Variants in C14orf132 observed in about 807,000 individuals in gnomAD.
C14orf132 encodes the protein uncharacterized protein C14orf132.
A neutral mutation model predicts 5.8 loss-of-function variants in C14orf132; 6 were observed. The observed-to-expected ratio is 1.03, with a 90% confidence interval of 0.57 to 2.04. C14orf132 has a LOEUF of 2.04. Ranked by LOEUF, C14orf132 falls within the 30% of genes most tolerant of loss-of-function variation. The probability of loss-of-function intolerance (pLI) is 0.00; values close to 1 mark genes in which losing one functional copy is unlikely to be tolerated. For synonymous variants in C14orf132, 51 were observed against 49.8 expected (o/e 1.02, Z -0.10); for missense variants, 125 against 115.8 (o/e 1.08, Z -0.37).
chr14:96,067,768 G>T (rs1887576453), intron 1 of C14orf132, among the ~76,000 whole-genome samples: 1 of 151,932 alleles, frequency 6.6e-6, no homozygotes, highest in Non-Finnish European at 1.5e-5. Context: ...CACACTTGGA[G>T]TGCTGTAGGC....
rs1314040954 is a variant in C14orf132, at chr14:96,039,561, G to A, written c.27+34G>A. On this transcript the variant is annotated intron_variant, in intron 1 of 1. Transcript: ENST00000555004. This position sits in a 1 kb window ranked among gnomAD's most constrained non-coding sequence, Gnocchi z 5.3. ...GCGTCCCCCCCACGCGCCCCGGGCC[G>A]CCAAGTTTGGGGAGGTTCGGGGCCA... 2 of 1,493,506 alleles carry A rather than the reference G, an allele frequency of 1.3e-6. No individual in the cohort carries two copies. The highest frequency in any genetic ancestry group is 8.9e-7 in the Non-Finnish European group (1 of 1,123,712). The allele number at this position is 1,493,506 out of a possible 1,614,324, so 92.5% of individuals were successfully genotyped here. A position where few individuals can be genotyped will look rare whatever the true frequency, so the allele number is the denominator to read the frequency against.
At chr14:96,072,337 C>T (rs952501389) in intron 1 of C14orf132, among the ~76,000 whole-genome samples, 1 of 152,168 alleles carries the variant, frequency 6.6e-6, no homozygotes, top group African/African-American at 2.4e-5. Flanking sequence ...GGGGTCCAGC[C>T]TGACCCTGGG....
rs1201043154 is a variant in C14orf132, at chr14:96,091,741, C to T, written c.*5006C>T. ...TGCCCCAGCCCCACCCACCCTGGCC[C>T]ACTCCACAGGCCCCTGACCATGGTC... is the stretch of plus-strand genomic sequence containing the variant. On this transcript the variant is annotated 3_prime_UTR_variant, in exon 2 of 2. Transcript: ENST00000555004. 6.6e-6 allele frequency: 1 copy of T among 152,048 alleles called. No homozygotes were observed. Among genetic ancestry groups the T allele is most frequent in the Non-Finnish European group, 1.5e-5 (1 of 68,124 alleles). The allele number at this position is 152,048 out of a possible 1,614,324, so 9.4% of individuals were successfully genotyped here. A position where few individuals can be genotyped will look rare whatever the true frequency, so the allele number is the denominator to read the frequency against.
chr14:96,079,007 C>T (rs757214604), intron 1 of C14orf132, among the ~76,000 whole-genome samples: 14 of 152,226 alleles, frequency 9.2e-5, no homozygotes, highest in Non-Finnish European at 2.1e-4. Flanking sequence ...TCCTTTCTTA[C>T]GTTCCCAGTG....
At chr14:96,077,417 A>C (rs1887902586) in intron 1 of C14orf132, among the ~76,000 whole-genome samples, 1 of 152,160 alleles carries the variant, frequency 6.6e-6, no homozygotes, top group Non-Finnish European at 1.5e-5. Context: ...GGGGTGATTA[A>C]GTTAAAATGA....
rs749942173 is a variant in C14orf132, at chr14:96,088,839, G to T, written c.*2104G>T. 1.3e-5 allele frequency: 2 copies of T among 152,302 alleles called. No homozygotes were observed. The highest frequency in any genetic ancestry group is 2.9e-5 in the Non-Finnish European group (2 of 68,096). 9.4% of individuals were successfully genotyped at this position (152,302 alleles called of 1,614,324 possible). A position where few individuals can be genotyped will look rare whatever the true frequency, so the allele number is the denominator to read the frequency against. On this transcript the variant is annotated 3_prime_UTR_variant, in exon 2 of 2. Coordinates refer to ENST00000555004, the MANE Select transcript of C14orf132 (RefSeq NM_001252507.3). ...GGGAGGAGAAGGCAGGAGGAAAAAG[G>T]ATGGCTTCTAGCCCTGAAGAGGACT...
At position 96,058,182 on chromosome 14, in the gene C14orf132, C is replaced by T. The variant is rs545731057; in HGVS notation, c.27+18655C>T. 1.2e-4 allele frequency among the ~76,000 whole-genome samples: 18 copies of T among 152,258 alleles called. No homozygotes were observed. The South Asian group carries it at 3.1e-3, about 26-fold the overall frequency. On this transcript the variant is annotated intron_variant, in intron 1 of 1. Coordinates refer to ENST00000555004, the MANE Select transcript of C14orf132 (RefSeq NM_001252507.3). ...TCAGCTCAGGGTCTCCACTCTCCTC[C>T]CTGCCCGCACTTCGTGAGGCACATC...
intron 1 of C14orf132, among the ~76,000 whole-genome samples, chr14:96,045,983 T>C (rs1322138685): frequency 1.3e-5 from 2 of 152,208 alleles, no homozygotes; most frequent in Non-Finnish European, 2.9e-5. Flanking sequence ...ACTCTCCTCT[T>C]GGGATTTCAT....
At chr14:96,086,126 A>G (rs180717455) in intron 1 of C14orf132, among the ~76,000 whole-genome samples, 2 of 152,188 alleles carry the variant, frequency 1.3e-5, no homozygotes, top group East Asian at 3.9e-4. Context: ...GTTCTATGCT[A>G]AGCATATATT....
At position 96,093,663 on chromosome 14, in the gene C14orf132, A is replaced by G. The variant is rs1046879433; in HGVS notation, c.*6928A>G. The G allele has an allele frequency of 6.6e-6, 1 of 152,174 alleles. No homozygotes were observed. Among genetic ancestry groups the G allele is most frequent in the East Asian group, 1.9e-4 (1 of 5,190 alleles). 9.4% of individuals were successfully genotyped at this position (152,174 alleles called of 1,614,324 possible). ...TGACTTCATAAAAGGTATTTTAACTATTCTTGGAGTCCTTTGCTACCCAAG... is the reference window on the plus strand; with the variant it reads ...TGACTTCATAAAAGGTATTTTAACTGTTCTTGGAGTCCTTTGCTACCCAAG... On this transcript the variant is annotated 3_prime_UTR_variant, in exon 2 of 2. Transcript: ENST00000555004.
intron 1 of C14orf132, among the ~76,000 whole-genome samples, chr14:96,085,783 C>T (rs1888162534): frequency 6.6e-6 from 1 of 152,104 alleles, no homozygotes; most frequent in Non-Finnish European, 1.5e-5. Flanking sequence ...ATCAGTGCAT[C>T]ATTTATCATA....
rs995241322 is a variant in C14orf132 at position 96,087,005 on chromosome 14, A to G, written c.*270A>G. 1 of 516,726 alleles carries G rather than the reference A, an allele frequency of 1.9e-6. No individual in the cohort carries two copies. The highest frequency in any genetic ancestry group is 3.5e-6 in the Non-Finnish European group (1 of 289,196). The allele number at this position is 516,726 out of a possible 1,614,324, so 32.0% of individuals were successfully genotyped here. The stretch of plus-strand genomic sequence containing the variant: ...GCAGATTGGGGATCCTTGAAACTAC[A>G]TTCCAGGAACATGGGACCAGATGAG... On this transcript the variant is annotated 3_prime_UTR_variant, in exon 2 of 2. Coordinates refer to ENST00000555004, the MANE Select transcript of C14orf132 (RefSeq NM_001252507.3).
rs537482447 is a variant in C14orf132 at position 96,062,950 on chromosome 14, A to C, written c.27+23423A>C. Among the ~76,000 whole-genome samples the C allele has an allele frequency of 8.5e-5, 13 of 152,316 alleles. No homozygotes were observed. The South Asian group carries it at 2.1e-3, about 24-fold the overall frequency. ...ACTGAGCATTTATTGAGTGCCTGCT[A>C]TGTGCAAAACACTGAGGATCAAAGA... On this transcript the variant is annotated intron_variant, in intron 1 of 1. Transcript: ENST00000555004.
At chr14:96,048,969 G>GGCTTGA (rs1231410130) in intron 1 of C14orf132, among the ~76,000 whole-genome samples, 1 of 152,192 alleles carries the variant, frequency 6.6e-6, no homozygotes, top group African/African-American at 2.4e-5. Context: ...CTGTCATCCA[G>GGCTTGA]GCTTGAGTGT....
chr14:96,053,902 T>C (rs1887104314), intron 1 of C14orf132, among the ~76,000 whole-genome samples: 1 of 152,162 alleles, frequency 6.6e-6, no homozygotes, highest in Admixed American at 6.5e-5. Context: ...AAAGCGTCTG[T>C]CGCATCTCTC....
chr14:96,060,609 G>A (rs1476113743), intron 1 of C14orf132, among the ~76,000 whole-genome samples: 1 of 152,154 alleles, frequency 6.6e-6, no homozygotes, highest in Non-Finnish European at 1.5e-5. Context: ...TCCCCACTCT[G>A]TCTTTCTCCT....
At chr14:96,055,462 C>T (rs1419460193) in intron 1 of C14orf132, among the ~76,000 whole-genome samples, 1 of 152,146 alleles carries the variant, frequency 6.6e-6, no homozygotes, top group Non-Finnish European at 1.5e-5. Context: ...ATCAAATCCT[C>T]TATTCAAAAG....
chr14:96,078,802 T>C (rs913855001), intron 1 of C14orf132, among the ~76,000 whole-genome samples: 4 of 152,172 alleles, frequency 2.6e-5, no homozygotes, highest in Admixed American at 6.5e-5. Flanking sequence ...CCGCCCCAGC[T>C]CAGGAGGCCG....
At position 96,064,839 on chromosome 14, in the gene C14orf132, T is replaced by A. The variant is rs191566148; in HGVS notation, c.28-21672T>A. ...CATGGAAAAATAAAATTAAAAAAAT[T>A]AAAAAATAAAAAAGTCACGTCCTCA... is the stretch of plus-strand genomic sequence containing the variant. On this transcript the variant is annotated intron_variant, in intron 1 of 1. Transcript: ENST00000555004. 2.1e-3 allele frequency among the ~76,000 whole-genome samples: 321 copies of A among 152,068 alleles called. 2 individuals are homozygous for A. Among genetic ancestry groups the A allele is most frequent in the Non-Finnish European group, 3.1e-3 (214 of 67,970 alleles).
Sources: allele counts gnomAD v4.1 joint callset (sites outside exome capture counted in the v4.1 genomes callset), GRCh38; gene constraint gnomAD v4.1.1; non-coding constraint Gnocchi (gnomAD v3.1); transcripts MANE v1.5; gene names NCBI Gene and HGNC (gene_info 2026-07-23, HGNC 2026-07-21).